UBXN6: variants seen among roughly 807,000 people sequenced by gnomAD.
UBXN6 encodes UBX domain protein 6, also known as UBX domain-containing protein 6.
UBXN6 carries 44 observed loss-of-function variants against 51.4 expected under a neutral mutation model. The ratio of observed to expected loss-of-function variants is 0.86; its 90% CI spans 0.67 to 1.10. The LOEUF (loss-of-function observed/expected upper bound fraction) is 1.10, where lower values mean the gene tolerates loss of function less well. Ranked by LOEUF, UBXN6 falls within the 50% of genes least tolerant of loss-of-function variation. The probability of loss-of-function intolerance (pLI) is 0.00; values close to 1 mark genes in which losing one functional copy is unlikely to be tolerated. For missense variants in UBXN6, 672 were observed against 596.1 expected (o/e 1.13, Z -1.32); for synonymous variants, 316 against 263.2 (o/e 1.20, Z -1.94).
chr19:4,454,798 C>T (rs1161131067), intron 1 of UBXN6: 1 of 152,296 alleles, frequency 6.6e-6, no homozygotes, highest in Non-Finnish European at 1.5e-5. Context: ...CCTCAGGTCA[C>T]AGCTTCGTTT....
At chr19:4,447,687 C>A in intron 5 of UBXN6, 62 bp from the exon 6 acceptor site, 2 of 1,544,278 alleles carry the variant, frequency 1.3e-6, no homozygotes, top group Non-Finnish European at 1.8e-6. Context: ...CCCCTCTGTG[C>A]CTCCTGCTCC....
In UBXN6 at chr19:4,453,791, C is replaced by G. The variant is rs1209162256; in HGVS notation, c.247+139G>C. On this transcript the variant is annotated intron_variant, in intron 2 of 10. Transcript: ENST00000301281. ...CCAGGAAGCTGCCCTTCCCCCAGCA[C>G]CTGCCCTTGATGAGCCGCTCCCAAG... 6.1e-6 allele frequency: 8 copies of G among 1,319,304 alleles called. No homozygotes were observed. The African/African-American group carries it at 1.0e-4, about 17-fold the overall frequency. The allele number at this position is 1,319,304 out of a possible 1,614,324, so 81.7% of individuals were successfully genotyped here.
intron 4 of UBXN6, chr19:4,449,595 G>A (rs1338532927): frequency 6.6e-6 from 1 of 152,328 alleles, no homozygotes; most frequent in Non-Finnish European, 1.5e-5. Context: ...CACCAGCCAA[G>A]GGAAGCGTGT....
intron 10 of UBXN6, 31 bp from the exon 11 acceptor site, chr19:4,445,654 C>T (rs1381179163): frequency 1.9e-6 from 3 of 1,599,176 alleles, no homozygotes; most frequent in Admixed American, 3.4e-5. Context: ...CACTCTGAGA[C>T]CGAGAGTCGG....
At chr19:4,456,863 T>C (rs1024053483) in intron 1 of UBXN6, among the ~76,000 whole-genome samples, 3 of 152,000 alleles carry the variant, frequency 2.0e-5, no homozygotes, top group Non-Finnish European at 2.9e-5. Context: ...AGTCCATCTG[T>C]CAGAATCCCT....
chr19:4,448,469 C>T (rs1974587511), intron 4 of UBXN6, 54 bp from the exon 5 acceptor site: 1 of 1,430,312 alleles, frequency 7.0e-7, no homozygotes, highest in Non-Finnish European at 9.6e-7. Flanking sequence ...GCCGCACGGC[C>T]CTCCGCTGCC....
At chr19:4,446,788 G>A (rs760964032) in intron 7 of UBXN6, 48 bp downstream of exon 7, 27 of 1,613,312 alleles carry the variant, frequency 1.7e-5, no homozygotes, top group Middle Eastern at 3.3e-4. Flanking sequence ...CTCCTGCCCC[G>A]AGGCCCCTCG....
At position 4,454,055 on chromosome 19, in the gene UBXN6, G is replaced by T. The variant is rs746369025; in HGVS notation, c.122C>A (p.Pro41His). The T allele has an allele frequency of 6.3e-7, 1 of 1,579,946 alleles. No homozygotes were observed. The highest frequency in any genetic ancestry group is 8.6e-7 in the Non-Finnish European group (1 of 1,166,250). The change falls in exon 2 of 11, where the codon CCC (proline) becomes CAC (histidine). Residue 41 changes from proline (P) to histidine (H), a missense_variant. Physicochemically the swap from Pro to His is moderately conservative, Grantham distance 77. Transcript: ENST00000301281. Reference sequence around the variant, plus strand: ...GGTGGGTCCCTGGCGGGGCGGCCTGGGGGCTGGCTGGTTGGGCTTCTCTTT... The same window carrying T: ...GGTGGGTCCCTGGCGGGGCGGCCTGTGGGCTGGCTGGTTGGGCTTCTCTTT... ...AHKEKPNQPA[P>H]RPPRQGPTNE...
At chr19:4,446,018 G>A (rs985354570) in intron 10 of UBXN6, 31 bp downstream of exon 10, 10 of 1,590,190 alleles carry the variant, frequency 6.3e-6, no homozygotes, top group Non-Finnish European at 8.6e-6. Context: ...GAGGCATCGG[G>A]TCAGCGGTGC....
Position 4,447,127 on chromosome 19 carries a change from G to T in UBXN6, c.616-207C>A, listed in dbSNP as rs559715340. 5.4e-5 allele frequency: 33 copies of T among 607,490 alleles called. 2 individuals carry two copies. The highest frequency in any genetic ancestry group is 4.1e-4 in the African/African-American group (22 of 54,066). The allele number at this position is 607,490 out of a possible 1,614,324, so 37.6% of individuals were successfully genotyped here. A position where few individuals can be genotyped will look rare whatever the true frequency, so the allele number is the denominator to read the frequency against. On this transcript the variant is annotated intron_variant, in intron 6 of 10. Coordinates refer to ENST00000301281, the MANE Select transcript of UBXN6 (RefSeq NM_025241.3). Reference sequence around the variant, plus strand: ...GAGTCTCCAACAGCTCTGCACAGAGGAAAGAGTCACAACCAGGCACGAAGA... The same window carrying T: ...GAGTCTCCAACAGCTCTGCACAGAGTAAAGAGTCACAACCAGGCACGAAGA...
chr19:4,448,449 G>C (rs763296686), intron 4 of UBXN6, 34 bp from the exon 5 acceptor site: 1 of 1,558,948 alleles, frequency 6.4e-7, no homozygotes, highest in South Asian at 1.2e-5. Context: ...GCCACTCACT[G>C]AGAGCCCGGG....
rs138428778 is a variant in UBXN6 at position 4,445,597 on chromosome 19, C to T, written c.1227G>A (p.Ser409=). ...TGTCCTCCAGCACAGCCATGTCCCACGAGAAGGTCAGGAGGGCAGAGGGCA... is the reference window on the plus strand; with the variant it reads ...TGTCCTCCAGCACAGCCATGTCCCATGAGAAGGTCAGGAGGGCAGAGGGCA... ...GLVPSALLTF[S]WDMAVLEDIK... Residue 409 remains serine, a synonymous_variant, in exon 11 of 11, where the codon TCG becomes TCA. Coordinates refer to ENST00000301281, the MANE Select transcript of UBXN6 (RefSeq NM_025241.3). 9.4e-5 allele frequency: 152 copies of T among 1,613,496 alleles called. No individual in the cohort carries two copies. The highest frequency in any genetic ancestry group is 2.9e-4 in the South Asian group (26 of 91,086).
intron 6 of UBXN6, 151 bp from the exon 7 acceptor site, chr19:4,447,071 G>A: frequency 2.9e-6 from 2 of 693,172 alleles, no homozygotes; most frequent in Non-Finnish European, 4.9e-6. Context: ...AGTGCTGGAT[G>A]CAAACCTGCT....
At chr19:4,447,266 C>A in intron 6 of UBXN6, 1 of 571,142 alleles carries the variant, frequency 1.8e-6, no homozygotes. Context: ...GCATGAGAAA[C>A]CTCCCCAGAG....
Position 4,457,754 on chromosome 19 carries a change from TC to T in UBXN6, c.-58del. The T allele has an allele frequency of 1.2e-6, 1 of 863,236 alleles. No homozygotes were observed. The highest frequency in any genetic ancestry group is 1.6e-6 in the Non-Finnish European group (1 of 640,496). 53.5% of individuals were successfully genotyped at this position (863,236 alleles called of 1,614,324 possible). On this transcript the variant is annotated 5_prime_UTR_variant, in exon 1 of 11. Transcript: ENST00000301281. ...GGGGGCGGGGGGGCACGGGGCCCAG[TC>T]GGGGACGGGGCCGCCGGAGACCAGC...
chr19:4,446,322 G>T lies in UBXN6; in HGVS notation c.1012C>A (p.Leu338Met). 2 of 1,574,544 alleles carry T rather than the reference G, an allele frequency of 1.3e-6. No homozygotes were observed. Among genetic ancestry groups the T allele is most frequent in the Non-Finnish European group, 1.7e-6 (2 of 1,166,030 alleles). The change falls in exon 9 of 11, where the codon CTG becomes ATG. Residue 338 changes from leucine to methionine, a missense_variant. Leu to Met is a conservative substitution (Grantham distance 15). Coordinates refer to ENST00000301281, the MANE Select transcript of UBXN6 (RefSeq NM_025241.3). The part of the protein sequence containing the change: ...QRGLRKYNYT[L>M]LRVRLPDGCL... ...CCATCGGGGAGGCGCACGCGCAGCA[G>T]CGTGTAGTTGTACTTGCGCAGCCCC...
chr19:4,448,285 G>A lies in UBXN6; in HGVS notation c.539+33C>T, dbSNP rs757451645. 37 of 1,558,946 alleles carry A rather than the reference G, an allele frequency of 2.4e-5. No individual in the cohort carries two copies. In the African/African-American group the frequency reaches 4.6e-4, roughly 20 times the overall value. ...GGAGGGGTGCTGGGATGAGCTGGAG[G>A]GGCCAGGCAGGGCAAAGGGGCCACA... On this transcript the variant is annotated intron_variant, in intron 5 of 10. Coordinates refer to ENST00000301281, the MANE Select transcript of UBXN6 (RefSeq NM_025241.3).
upstream of UBXN6, chr19:4,457,845 C>T: frequency 2.2e-6 from 1 of 450,254 alleles, no homozygotes; most frequent in South Asian, 3.0e-5. Context: ...GCCGGAAGTC[C>T]CGCCTTCCCC....
intron 5 of UBXN6, 134 bp from the exon 6 acceptor site, chr19:4,447,759 C>T (rs1599675308): frequency 4.7e-6 from 4 of 860,020 alleles, no homozygotes; most frequent in East Asian, 2.6e-5. Flanking sequence ...CCCAGTGACG[C>T]GAGGGCAGCA....
Sources: allele counts gnomAD v4.1 joint callset (sites outside exome capture counted in the v4.1 genomes callset), GRCh38; gene constraint gnomAD v4.1.1; transcripts MANE v1.5; gene names NCBI Gene and HGNC (gene_info 2026-07-23, HGNC 2026-07-21).